SMC1A: variants seen among roughly 807,000 people sequenced by gnomAD.
SMC1A encodes the protein structural maintenance of chromosomes protein 1A.
SMC1A carries 4 observed loss-of-function variants against 94.5 expected under a neutral mutation model. That is an observed-to-expected ratio of 0.04 (90% CI 0.02 to 0.10). SMC1A has a LOEUF of 0.10. Ranked by LOEUF, SMC1A falls within the 10% of genes least tolerant of loss-of-function variation. SMC1A has a pLI of 1.00. For synonymous variants in SMC1A, 345 were observed against 347.7 expected (o/e 0.99, Z 0.09); for missense variants, 304 against 989.0 (o/e 0.31, Z 9.29).
intron 7 of SMC1A, among the ~76,000 whole-genome samples, chrX:53,410,858 C>T (rs1216756165): frequency 1.0e-5 from 1 of 96,043 alleles, no homozygotes; most frequent in Non-Finnish European, 2.0e-5. Flanking sequence ...ACCCGACAGG[C>T]AGAGGTTGCA....
chrX:53,413,880 C>G (rs112651870), intron 3 of SMC1A, among the ~76,000 whole-genome samples: 1,221 of 110,314 alleles, frequency 0.011, 19 homozygotes, highest in African/African-American at 0.039. Flanking sequence ...AGTTCAAGAC[C>G]AGCCTAGCCA....
At position 53,382,498 on chromosome X, in the gene SMC1A, CA is replaced by C; in HGVS notation, c.3285+7del. 1 of 1,208,506 alleles carries C rather than the reference CA, an allele frequency of 8.3e-7. No homozygotes were observed. The highest frequency in any genetic ancestry group is 1.1e-6 in the Non-Finnish European group (1 of 893,757). On this transcript the variant is annotated splice_region_variant and intron_variant, in intron 21 of 24. Transcript: ENST00000322213. ...TAGCAGCTGGTTGGGTAAGGGGCTC[CA>C]GCCTACCTGGGCACTGCTATTGCGG... is the stretch of plus-strand genomic sequence containing the variant.
At chrX:53,391,921 T>A (rs2075630933) in intron 19 of SMC1A, among the ~76,000 whole-genome samples, 1 of 110,631 alleles carries the variant, frequency 9.0e-6, no homozygotes, top group African/African-American at 3.3e-5. Flanking sequence ...ACCCACTAGA[T>A]GCCAGTAGTA....
chrX:53,401,278 C>G (rs1556888866), intron 15 of SMC1A, among the ~76,000 whole-genome samples: 1 of 111,887 alleles, frequency 8.9e-6, no homozygotes, highest in African/African-American at 3.3e-5. Context: ...CTTATCACCA[C>G]TGCCTGGGCA....
At chrX:53,406,690 T>C (rs2075692306) in intron 9 of SMC1A, among the ~76,000 whole-genome samples, 1 of 111,608 alleles carries the variant, frequency 9.0e-6, no homozygotes, top group South Asian at 3.7e-4. Context: ...TCTAGTAATG[T>C]GCCAGTATCT....
At chrX:53,386,364 T>C (rs1891877406) in intron 19 of SMC1A, among the ~76,000 whole-genome samples, 1 of 111,624 alleles carries the variant, frequency 9.0e-6, no homozygotes, top group South Asian at 3.6e-4. Flanking sequence ...TGGATACTAG[T>C]TTCAAAAAGA....
intron 16 of SMC1A, among the ~76,000 whole-genome samples, chrX:53,397,308 G>C (rs1556888190): frequency 8.9e-6 from 1 of 111,862 alleles, no homozygotes; most frequent in Non-Finnish European, 1.9e-5. Flanking sequence ...GGGCCTGGTG[G>C]AGTGGCTTAC....
intron 1 of SMC1A, among the ~76,000 whole-genome samples, chrX:53,417,928 C>T (rs782418649): frequency 1.4e-4 from 16 of 111,843 alleles, no homozygotes; most frequent in African/African-American, 4.9e-4. Context: ...TATATGAAAA[C>T]GTAAACAGTG....
intron 16 of SMC1A, among the ~76,000 whole-genome samples, chrX:53,398,430 C>T (rs1295797474): frequency 1.8e-5 from 2 of 111,205 alleles, no homozygotes; most frequent in Non-Finnish European, 3.8e-5. Flanking sequence ...CACAGGCATG[C>T]TAAACTCAAA....
chrX:53,413,001 C>T lies in SMC1A; in HGVS notation c.753G>A (p.Lys251=), dbSNP rs782297601. 1.7e-6 allele frequency: 2 copies of T among 1,205,542 alleles called. No individual in the cohort carries two copies. The highest frequency in any genetic ancestry group is 2.2e-6 in the Non-Finnish European group (2 of 891,441). Residue 251 remains lysine (K), a synonymous_variant, in exon 5 of 25, where the codon AAG becomes AAA. Coordinates refer to ENST00000322213, the MANE Select transcript of SMC1A (RefSeq NM_006306.4). The part of the protein sequence containing the change: ...ELASKNKEIE[K]DKKRMDKVED... ...CCACCTTGTCCATACGCTTCTTGTC[C>T]TTCTCGATCTCCTTGTTCTTTGAGG...
rs782431552 is a variant in SMC1A, at chrX:53,376,038, GC to G, written c.*4064del. ...GTGCCTGTTTTGTGTCAGGCACTGT[GC>G]TTTTTTGCAGGGGCTATACTGGTAA... On this transcript the variant is annotated 3_prime_UTR_variant, in exon 25 of 25. Transcript: ENST00000322213. The G allele has an allele frequency of 1.8e-5, 2 of 112,699 alleles. No homozygotes were observed. Among genetic ancestry groups the G allele is most frequent in the Admixed American group, 9.4e-5 (1 of 10,638 alleles). 9.3% of individuals were successfully genotyped at this position (112,699 alleles called of 1,213,427 possible). A position where few individuals can be genotyped will look rare whatever the true frequency, so the allele number is the denominator to read the frequency against.
In SMC1A at chrX:53,382,487, G is replaced by C. The variant is rs1556886009; in HGVS notation, c.3285+19C>G. The C allele has an allele frequency of 2.5e-6, 3 of 1,206,664 alleles. No homozygotes were observed. The highest frequency in any genetic ancestry group is 1.8e-5 in the South Asian group (1 of 56,150). ...ACTGAGGATGGTAGCAGCTGGTTGG[G>C]TAAGGGGCTCCAGCCTACCTGGGCA... On this transcript the variant is annotated intron_variant, in intron 21 of 24. Coordinates refer to ENST00000322213, the MANE Select transcript of SMC1A (RefSeq NM_006306.4).
At position 53,403,972 on chromosome X, in the gene SMC1A, G is replaced by C. The variant is rs782195006; in HGVS notation, c.2197-79C>G. 34 of 676,416 alleles carry C rather than the reference G, an allele frequency of 5.0e-5. No homozygotes were observed. The African/African-American group carries it at 6.4e-4, about 13-fold the overall frequency. The allele number at this position is 676,416 out of a possible 1,213,427, so 55.7% of individuals were successfully genotyped here. On this transcript the variant is annotated intron_variant, in intron 13 of 24. Coordinates refer to ENST00000322213, the MANE Select transcript of SMC1A (RefSeq NM_006306.4). The stretch of plus-strand genomic sequence containing the variant: ...CTACCTTGACTGCATTGGCCCCACA[G>C]TCAGGAAGGGCTAGCTCTCCACAAC...
At chrX:53,420,708 C>T (rs1159990554) in intron 1 of SMC1A, among the ~76,000 whole-genome samples, 2 of 111,125 alleles carry the variant, frequency 1.8e-5, no homozygotes, top group Non-Finnish European at 3.8e-5. Flanking sequence ...GAACCAATAT[C>T]CAACCTTTGG....
intron 9 of SMC1A, among the ~76,000 whole-genome samples, chrX:53,407,725 T>A (rs1404269975): frequency 2.7e-5 from 3 of 111,537 alleles, no homozygotes; most frequent in Non-Finnish European, 3.8e-5. Flanking sequence ...GTCACCCAGC[T>A]GGTGTCTGCT....
intron 19 of SMC1A, among the ~76,000 whole-genome samples, chrX:53,389,119 T>G (rs1161760492): frequency 9.5e-6 from 1 of 105,186 alleles, no homozygotes; most frequent in African/African-American, 3.4e-5. Flanking sequence ...CCATTTTTGT[T>G]TTTTTTTTTT....
rs1460142954 is a variant in SMC1A at position 53,379,800 on chromosome X, G to C, written c.*303C>G. 7.6e-6 allele frequency: 3 copies of C among 394,423 alleles called. No homozygotes were observed. Among genetic ancestry groups the C allele is most frequent in the African/African-American group, 7.5e-5 (3 of 39,949 alleles). The allele number at this position is 394,423 out of a possible 1,213,427, so 32.5% of individuals were successfully genotyped here. ...ACATACCCACACACACAGTGGGCAA[G>C]AGGCCCAAGGGGCCCACGATTATGG... On this transcript the variant is annotated 3_prime_UTR_variant, in exon 25 of 25. Coordinates refer to ENST00000322213, the MANE Select transcript of SMC1A (RefSeq NM_006306.4).
At chrX:53,402,971 G>A (rs953689986) in intron 15 of SMC1A, among the ~76,000 whole-genome samples, 1 of 99,116 alleles carries the variant, frequency 1.0e-5, no homozygotes, top group East Asian at 3.2e-4. Flanking sequence ...AGATCAAGAC[G>A]AGCCTGGGCA....
intron 19 of SMC1A, among the ~76,000 whole-genome samples, chrX:53,384,979 G>A (rs1323830727): frequency 2.7e-5 from 3 of 109,129 alleles, no homozygotes; most frequent in South Asian, 3.9e-4. Flanking sequence ...AATAAACTTC[G>A]AAAGCTAAAA....
Sources: gnomAD v4.1 joint callset for allele counts (sites outside exome capture counted in the v4.1 genomes callset) on GRCh38, gnomAD v4.1.1 for gene constraint, MANE v1.5 for transcripts, NCBI Gene and HGNC (gene_info 2026-07-23, HGNC 2026-07-21) for gene names.